DEPTOR: variants seen among roughly 807,000 people sequenced by gnomAD.
DEPTOR encodes the protein DEP domain-containing mTOR-interacting protein.
DEPTOR carries 41 observed loss-of-function variants against 41.6 expected under a neutral mutation model. The ratio of observed to expected loss-of-function variants is 0.98; its 90% CI spans 0.77 to 1.28. The LOEUF is 1.28. Among genes scored for constraint, DEPTOR ranks in the 50% most tolerant of loss-of-function variants. The pLI is 0.00. For missense variants in DEPTOR, 514 were observed against 527.9 expected (o/e 0.97, Z 0.26); for synonymous variants, 195 against 192.3 (o/e 1.01, Z -0.12).
intron 6 of DEPTOR, 116 bp from the exon 7 acceptor site, chr8:120,006,689 A>G: frequency 2.5e-6 from 2 of 813,736 alleles, no homozygotes; most frequent in East Asian, 2.6e-5. Flanking sequence ...TGAGGCAGGG[A>G]TCTTTGCCAC....
intron 1 of DEPTOR, among the ~76,000 whole-genome samples, chr8:119,920,844 T>C (rs936728585): frequency 3.9e-5 from 6 of 152,196 alleles, no homozygotes; most frequent in Admixed American, 2.0e-4. Flanking sequence ...TCTGAGGAAC[T>C]CCTGCAACTT....
chr8:119,964,548 A>T (rs58952088), intron 3 of DEPTOR, among the ~76,000 whole-genome samples: 4,574 of 140,702 alleles, frequency 0.033, 89 homozygotes, highest in African/African-American at 0.045. Context: ...AAAAAAAAAA[A>T]TTAGTGAGGA....
intron 1 of DEPTOR, among the ~76,000 whole-genome samples, chr8:119,926,133 G>A (rs1192273341): frequency 6.6e-6 from 1 of 152,128 alleles, no homozygotes; most frequent in Non-Finnish European, 1.5e-5. Flanking sequence ...AAGAAAGGGA[G>A]ATTCTGTGCT....
At chr8:119,980,770 G>A (rs960220670) in intron 4 of DEPTOR, among the ~76,000 whole-genome samples, 16 of 151,850 alleles carry the variant, frequency 1.1e-4, no homozygotes, top group African/African-American at 2.9e-4. Flanking sequence ...CACCCGCCTC[G>A]GCCTTCCAAA....
intron 3 of DEPTOR, among the ~76,000 whole-genome samples, chr8:119,935,210 A>G (rs577631319): frequency 6.6e-6 from 1 of 152,314 alleles, no homozygotes; most frequent in East Asian, 1.9e-4. Context: ...TTAATTTTGC[A>G]TGGGCACAAG....
intron 3 of DEPTOR, among the ~76,000 whole-genome samples, chr8:119,954,725 G>A (rs867019396): frequency 6.6e-6 from 1 of 152,086 alleles, no homozygotes; most frequent in Non-Finnish European, 1.5e-5. Context: ...TTGTAGTGCT[G>A]CCTTCCCTCT....
At chr8:120,026,364 T>C (rs1057431330) in intron 8 of DEPTOR, among the ~76,000 whole-genome samples, 1 of 150,334 alleles carries the variant, frequency 6.7e-6, no homozygotes, top group Non-Finnish European at 1.5e-5. Flanking sequence ...TTTTTTGAGA[T>C]GGAGTTTTGC....
chr8:120,022,670 C>A (rs893956075), intron 8 of DEPTOR, among the ~76,000 whole-genome samples: 1 of 150,414 alleles, frequency 6.6e-6, no homozygotes, highest in African/African-American at 2.4e-5. Flanking sequence ...AAAATTGTCC[C>A]CACTTTTTGT....
chr8:120,034,213 A>G (rs1255334872), intron 8 of DEPTOR, among the ~76,000 whole-genome samples: 1 of 151,542 alleles, frequency 6.6e-6, no homozygotes, highest in Non-Finnish European at 1.5e-5. Context: ...TTTTCCCACC[A>G]AAACACTACG....
intron 8 of DEPTOR, among the ~76,000 whole-genome samples, chr8:120,017,424 G>C (rs1416658494): frequency 6.6e-6 from 1 of 152,188 alleles, no homozygotes; most frequent in Non-Finnish European, 1.5e-5. Context: ...TGGAGCCCAA[G>C]AGATGACATA....
chr8:119,894,185 T>G (rs547894409), intron 1 of DEPTOR, among the ~76,000 whole-genome samples: 77 of 151,904 alleles, frequency 5.1e-4, no homozygotes, highest in African/African-American at 1.8e-3. Context: ...CCTTCCACCT[T>G]AGCTTACCCT....
At chr8:119,964,017 T>C (rs1044719602) in intron 3 of DEPTOR, among the ~76,000 whole-genome samples, 2 of 152,184 alleles carry the variant, frequency 1.3e-5, no homozygotes, top group Non-Finnish European at 2.9e-5. Context: ...GGTTTGATCC[T>C]GCTTCTTGGT....
intron 8 of DEPTOR, among the ~76,000 whole-genome samples, chr8:120,048,115 C>T (rs1813180743): frequency 6.6e-6 from 1 of 152,202 alleles, no homozygotes; most frequent in Middle Eastern, 3.4e-3. Flanking sequence ...TGCGAAGGGT[C>T]AGCTGGAGAG....
chr8:119,886,762 G>A (rs576664248), intron 1 of DEPTOR, among the ~76,000 whole-genome samples: 2 of 152,286 alleles, frequency 1.3e-5, no homozygotes, highest in South Asian at 2.1e-4. Context: ...TACGATGCGG[G>A]AGGTCAACAC....
At chr8:119,913,485 T>A (rs1343741744) in intron 1 of DEPTOR, among the ~76,000 whole-genome samples, 1 of 152,216 alleles carries the variant, frequency 6.6e-6, no homozygotes, top group Non-Finnish European at 1.5e-5. Context: ...CTACTTAGTG[T>A]CAGTCTATAG....
chr8:119,959,452 C>T (rs558891080), intron 3 of DEPTOR, among the ~76,000 whole-genome samples: 4 of 151,970 alleles, frequency 2.6e-5, no homozygotes, highest in South Asian at 4.2e-4. Flanking sequence ...TGAGCCACTG[C>T]GCCCGGCCAC....
chr8:120,023,575 G>A (rs1812754655), intron 8 of DEPTOR, among the ~76,000 whole-genome samples: 1 of 152,166 alleles, frequency 6.6e-6, no homozygotes, highest in Non-Finnish European at 1.5e-5. Context: ...AGATAAACAT[G>A]AGAGTGTCTT....
intron 8 of DEPTOR, among the ~76,000 whole-genome samples, chr8:120,047,793 C>A (rs184539999): frequency 2.6e-4 from 39 of 152,266 alleles, no homozygotes; most frequent in Non-Finnish European, 4.7e-4. Flanking sequence ...CACCTATAAT[C>A]CCAGCACTTT....
At chr8:119,951,083 A>T (rs1468169241) in intron 3 of DEPTOR, among the ~76,000 whole-genome samples, 1 of 151,704 alleles carries the variant, frequency 6.6e-6, no homozygotes, top group Non-Finnish European at 1.5e-5. Context: ...ACACACACAC[A>T]CACACACACA....
Sources: gnomAD v4.1 joint callset for allele counts (sites outside exome capture counted in the v4.1 genomes callset) on GRCh38, gnomAD v4.1.1 for gene constraint, MANE v1.5 for transcripts, NCBI Gene and HGNC (gene_info 2026-07-23, HGNC 2026-07-21) for gene names.